The following ZPR1 variants were observed in gnomAD, a reference collection of about 807,000 sequenced individuals.
The protein encoded by ZPR1 is ZPR1 zinc finger.
In ZPR1, 37 loss-of-function variants were observed where a neutral mutation model predicts 59.6. The ratio of observed to expected loss-of-function variants is 0.62; its 90% CI spans 0.48 to 0.82. The LOEUF is 0.82. ZPR1 is among the 40% of genes least tolerant of loss of function. The pLI is 0.00. For synonymous variants in ZPR1, 191 were observed against 215.2 expected, an observed-to-expected ratio of 0.89 and a Z score of 0.99; for missense variants, 527 against 579.9, an observed-to-expected ratio of 0.91 and a Z score of 0.94.
chr11:116,785,814 T>C lies in ZPR1; in HGVS notation c.564A>G (p.Val188=). 4 of 1,614,222 alleles carry C rather than the reference T, an allele frequency of 2.5e-6. No individual in the cohort carries two copies. The highest frequency in any genetic ancestry group is 1.7e-6 in the Non-Finnish European group (2 of 1,180,022). Residue 188 remains valine (V), a synonymous_variant, in exon 5 of 14, where the codon GTA becomes GTG. Transcript: ENST00000227322. The part of the protein sequence containing the change: ...FIVKLKELKQ[V]ASPFTLIIDD... Reference sequence around the variant, plus strand: ...TACTCACCAGAGTGAAAGGGGAGGCTACTTGCTTTAGCTCCTTCAGTTTGA... The same window carrying C: ...TACTCACCAGAGTGAAAGGGGAGGCCACTTGCTTTAGCTCCTTCAGTTTGA...
Position 116,785,504 on chromosome 11 carries a change from G to T in ZPR1, c.705+10C>A, listed in dbSNP as rs1423997800. 2 of 1,613,480 alleles carry T rather than the reference G, an allele frequency of 1.2e-6. No individual in the cohort carries two copies. The highest frequency in any genetic ancestry group is 2.2e-5 in the South Asian group (2 of 91,044). On this transcript the variant is annotated intron_variant, in intron 6 of 13. Coordinates refer to ENST00000227322, the MANE Select transcript of ZPR1 (RefSeq NM_003904.5). ...CCAGAGCATTCTTCTGGATCCTTCA[G>T]TCCACTTACTTGAAGCCCCAGCATC...
In ZPR1 at chr11:116,784,437, AG is replaced by A; in HGVS notation, c.831del (p.Phe278LeufsTer21). On this transcript the variant is annotated frameshift_variant, in exon 9 of 14. Coordinates refer to ENST00000227322, the MANE Select transcript of ZPR1 (RefSeq NM_003904.5). LOFTEE classifies it high-confidence loss of function. Reference protein sequence around the residue: ...QTNMKLVQIPHFKEVIIMATN... With the variant: ...QTNMKLVQIPXFKEVIIMATN... ...GTAGCCATGATGATAACCTCCTTAAAGTGAGGGATTTCTGGAAAACGGAGTT... is the reference window on the plus strand; with the variant it reads ...GTAGCCATGATGATAACCTCCTTAAATGAGGGATTTCTGGAAAACGGAGTT... The A allele has an allele frequency of 1.9e-6, 3 of 1,614,182 alleles. No homozygotes were observed. The highest frequency in any genetic ancestry group is 2.5e-6 in the Non-Finnish European group (3 of 1,180,006).
At position 116,786,950 on chromosome 11, in the gene ZPR1, A is replaced by G. The variant is rs1260161808; in HGVS notation, c.424+19T>C. 6.2e-7 allele frequency: 1 copy of G among 1,603,600 alleles called. No homozygotes were observed. Among genetic ancestry groups the G allele is most frequent in the South Asian group, 1.1e-5 (1 of 90,852 alleles). On this transcript the variant is annotated intron_variant, in intron 3 of 13. Transcript: ENST00000227322. ...CTAGCTACATGCGAACAGCCCAAATACTCTGATCTTAAACTTACCTCCTTT... is the reference window on the plus strand; with the variant it reads ...CTAGCTACATGCGAACAGCCCAAATGCTCTGATCTTAAACTTACCTCCTTT...
chr11:116,779,659 G>T, intron 13 of ZPR1, 113 bp downstream of exon 13: 1 of 752,454 alleles, frequency 1.3e-6, no homozygotes, highest in Non-Finnish European at 2.1e-6. Flanking sequence ...CTGCCTCCTT[G>T]GTAAAAAGCA....
Position 116,786,937 on chromosome 11 carries a change from G to A in ZPR1, c.424+32C>T, listed in dbSNP as rs200984841. On this transcript the variant is annotated intron_variant, in intron 3 of 13. Transcript: ENST00000227322. ...AGAGGGTAAGATTCTAGCTACATGCGAACAGCCCAAATACTCTGATCTTAA... is the reference window on the plus strand; with the variant it reads ...AGAGGGTAAGATTCTAGCTACATGCAAACAGCCCAAATACTCTGATCTTAA... The A allele has an allele frequency of 2.1e-3, 3,373 of 1,575,436 alleles. 13 individuals are homozygous for A. The highest frequency in any genetic ancestry group is 0.01 in the Middle Eastern group (59 of 5,828).
At chr11:116,784,167 T>C (rs1940851852) in intron 9 of ZPR1, among the ~76,000 whole-genome samples, 1 of 152,158 alleles carries the variant, frequency 6.6e-6, no homozygotes, top group Non-Finnish European at 1.5e-5. Flanking sequence ...ACCTTTAATA[T>C]GTCTTAAACA....
At position 116,786,554 on chromosome 11, in the gene ZPR1, G is replaced by A; in HGVS notation, c.452C>T (p.Thr151Ile). 6.2e-7 allele frequency: 1 copy of A among 1,614,208 alleles called. No homozygotes were observed. The highest frequency in any genetic ancestry group is 8.5e-7 in the Non-Finnish European group (1 of 1,180,046). ...GALTTVEGLI[T>I]RAISGLEQDQ... ...CTGCTCCAGGCCAGAGATAGCACGG[G>A]TGATCAATCCTTCAACAGTGGTCAG... is the stretch of plus-strand genomic sequence containing the variant. The change falls in exon 4 of 14, where the codon ACC (threonine) becomes ATC (isoleucine). Residue 151 changes from threonine to isoleucine, a missense_variant. By Grantham distance (89) the Thr-to-Ile change is moderately conservative (BLOSUM62 -1). Transcript: ENST00000227322.
chr11:116,778,791 C>T lies in ZPR1; in HGVS notation c.*134G>A, dbSNP rs776530815. 21 of 1,135,676 alleles carry T rather than the reference C, an allele frequency of 1.8e-5. No homozygotes were observed. Among genetic ancestry groups the T allele is most frequent in the Non-Finnish European group, 2.4e-5 (20 of 817,724 alleles). The allele number at this position is 1,135,676 out of a possible 1,614,324, so 70.3% of individuals were successfully genotyped here. A position where few individuals can be genotyped will look rare whatever the true frequency, so the allele number is the denominator to read the frequency against. ...TTAGAAAGTGTGCACAGATCTCTGA[C>T]TCAGACCAGATGTCCTCCCCACCAT... On this transcript the variant is annotated 3_prime_UTR_variant, in exon 14 of 14. Transcript: ENST00000227322.
At position 116,776,461 on chromosome 11, in the gene ZPR1, G is replaced by C. The variant is rs186132462; in HGVS notation, c.*2464C>G. The C allele has an allele frequency of 6.6e-6, 1 of 152,320 alleles. No homozygotes were observed. The highest frequency in any genetic ancestry group is 2.4e-5 in the African/African-American group (1 of 41,570). 9.4% of individuals were successfully genotyped at this position (152,320 alleles called of 1,614,324 possible). ...TGTGTCATATGCTGGGTGCTGTGGA[G>C]CAAGACTCAGTTAACTATATGTAAG... is the stretch of plus-strand genomic sequence containing the variant. On this transcript the variant is annotated 3_prime_UTR_variant, in exon 14 of 14. Transcript: ENST00000227322.
At chr11:116,781,509 G>A (rs781120221) in intron 12 of ZPR1, among the ~76,000 whole-genome samples, 4 of 152,214 alleles carry the variant, frequency 2.6e-5, no homozygotes, top group African/African-American at 9.7e-5. Context: ...CCATAGTGCA[G>A]TCTTCGAAAT....
chr11:116,786,457 C>T, intron 4 of ZPR1, 54 bp downstream of exon 4: 2 of 1,603,210 alleles, frequency 1.2e-6, no homozygotes, highest in African/African-American at 1.3e-5. Context: ...ACATGGGACA[C>T]TCTATATAAG....
intron 4 of ZPR1, 140 bp from the exon 5 acceptor site, chr11:116,786,022 G>A (rs1940882967): frequency 2.7e-6 from 2 of 753,626 alleles, no homozygotes; most frequent in Middle Eastern, 2.3e-4. Flanking sequence ...GCTTCACAAT[G>A]AGATGTAGCA....
chr11:116,787,668 G>C, intron 1 of ZPR1, 25 bp from the exon 2 acceptor site: 1 of 1,597,076 alleles, frequency 6.3e-7, no homozygotes, highest in Non-Finnish European at 8.6e-7. Flanking sequence ...AGTAGCTAAG[G>C]AAAAAAATCA....
chr11:116,783,414 G>A (rs906580943), intron 10 of ZPR1, 116 bp downstream of exon 10: 8 of 878,212 alleles, frequency 9.1e-6, no homozygotes, highest in African/African-American at 5.0e-5. Context: ...CAAAGCCAGG[G>A]AAGTAGGAGA....
At chr11:116,785,061 A>T (rs756966283) in intron 7 of ZPR1, 38 bp downstream of exon 7, 1 of 1,613,592 alleles carries the variant, frequency 6.2e-7, no homozygotes, top group South Asian at 1.1e-5. Context: ...TCAGCCCACA[A>T]CTCTGCTCCT....
intron 9 of ZPR1, among the ~76,000 whole-genome samples, chr11:116,783,956 C>T (rs945217558): frequency 6.6e-6 from 1 of 151,482 alleles, no homozygotes; most frequent in African/African-American, 2.4e-5. Context: ...TGTGGGTCTC[C>T]TTTATAATAT....
chr11:116,787,333 T>C, intron 2 of ZPR1, 149 bp downstream of exon 2: 1 of 823,910 alleles, frequency 1.2e-6, no homozygotes, highest in Non-Finnish European at 1.9e-6. Context: ...CTTGAGCTGA[T>C]GACAACACCA....
chr11:116,782,887 A>G, intron 11 of ZPR1, 32 bp downstream of exon 11: 2 of 1,572,918 alleles, frequency 1.3e-6, no homozygotes, highest in Non-Finnish European at 1.8e-6. Flanking sequence ...AAATTGCTCA[A>G]AGGTGGTTTA....
chr11:116,774,000 G>C lies in ZPR1; in HGVS notation c.*4925C>G, dbSNP rs1312105638. ...AGGGAGTAGAGGCTAGCGAAGTGGG[G>C]TGCAAGAGGTCATCCAAATTTCTTG... On this transcript the variant is annotated 3_prime_UTR_variant, in exon 14 of 14. Transcript: ENST00000227322. 1.3e-5 allele frequency: 2 copies of C among 152,154 alleles called. No homozygotes were observed. The highest frequency in any genetic ancestry group is 2.9e-5 in the Non-Finnish European group (2 of 68,030). The allele number at this position is 152,154 out of a possible 1,614,324, so 9.4% of individuals were successfully genotyped here. A position where few individuals can be genotyped will look rare whatever the true frequency, so the allele number is the denominator to read the frequency against.
Sources: allele counts gnomAD v4.1 joint callset (sites outside exome capture counted in the v4.1 genomes callset), GRCh38; gene constraint gnomAD v4.1.1; transcripts MANE v1.5; gene names NCBI Gene and HGNC (gene_info 2026-07-23, HGNC 2026-07-21).